The following UGT2A1 variants were observed in gnomAD, a reference collection of about 807,000 sequenced individuals.
The protein encoded by UGT2A1 is UDP-glucuronosyltransferase 2A1.
Under a neutral mutation model 45.4 loss-of-function variants are expected in UGT2A1, and 61 were observed. The ratio of observed to expected loss-of-function variants is 1.34; its 90% CI spans 1.09 to 1.66. UGT2A1 has a LOEUF of 1.66. Ranked by LOEUF, UGT2A1 falls within the 40% of genes most tolerant of loss-of-function variation. UGT2A1 has a pLI of 0.00. For synonymous variants in UGT2A1, 229 were observed against 196.2 expected (o/e 1.17, Z -1.40); for missense variants, 649 against 574.3 (o/e 1.13, Z -1.33).
intron 3 of UGT2A1, among the ~76,000 whole-genome samples, chr4:69,610,176 TA>T (rs1383620878): frequency 6.6e-6 from 1 of 152,098 alleles, no homozygotes; most frequent in Admixed American, 6.6e-5. Context: ...AAAAGATATA[TA>T]AAATATTTTT....
Position 69,647,729 on chromosome 4 carries a change from A to G in UGT2A1, c.-54-31T>C, listed in dbSNP as rs956598063. The G allele has an allele frequency of 7.8e-6, 8 of 1,021,550 alleles. No individual in the cohort carries two copies. The South Asian group carries it at 9.5e-5, about 12-fold the overall frequency. 63.3% of individuals were successfully genotyped at this position (1,021,550 alleles called of 1,614,324 possible). A position where few individuals can be genotyped will look rare whatever the true frequency, so the allele number is the denominator to read the frequency against. On this transcript the variant is annotated intron_variant, in intron 1 of 6. Coordinates refer to ENST00000286604, the MANE Select transcript of UGT2A1 (RefSeq NM_001252275.3). ...AAAGAAAAAAAGGAAAGACAAAATT[A>G]TTTCTCAATTTTGAGGCAAACCATT...
intron 3 of UGT2A1, among the ~76,000 whole-genome samples, chr4:69,633,813 C>A (rs756442885): frequency 3.3e-5 from 5 of 151,910 alleles, no homozygotes; most frequent in Non-Finnish European, 7.4e-5. Context: ...GACTGATAAG[C>A]GGATGAAAGA....
chr4:69,618,771 T>C (rs1032640548), intron 3 of UGT2A1, among the ~76,000 whole-genome samples: 5 of 152,038 alleles, frequency 3.3e-5, no homozygotes, highest in South Asian at 2.1e-4. Flanking sequence ...AATACCTTTA[T>C]TGGTTAAAAA....
At chr4:69,620,950 T>C (rs1720717472) in intron 3 of UGT2A1, among the ~76,000 whole-genome samples, 2 of 152,090 alleles carry the variant, frequency 1.3e-5, no homozygotes, top group African/African-American at 4.8e-5. Context: ...GCTAGCCATA[T>C]ACAGAATACC....
intron 3 of UGT2A1, among the ~76,000 whole-genome samples, chr4:69,608,703 A>C (rs1719836951): frequency 6.6e-6 from 1 of 151,956 alleles, no homozygotes; most frequent in South Asian, 2.1e-4. Context: ...TTTTATTATC[A>C]TTATTTTTAG....
intron 3 of UGT2A1, among the ~76,000 whole-genome samples, chr4:69,630,887 T>C (rs1008188808): frequency 6.6e-5 from 10 of 151,930 alleles, no homozygotes; most frequent in African/African-American, 2.4e-4. Context: ...ATTATATATA[T>C]ACATACATGT....
Position 69,647,508 on chromosome 4 carries a change from T to G in UGT2A1, c.137A>C (p.Lys46Thr). The part of the protein sequence containing the change: ...VKIIIDELIK[K>T]EHNVTVLVAS... ...AACTAGGACAGTCACATTATGCTCC[T>G]TTTTAATGAGCTCATCTATAATTAT... is the stretch of plus-strand genomic sequence containing the variant. Residue 46 changes from lysine to threonine, a missense_variant, in exon 2 of 7, where the codon AAG (lysine) becomes ACG (threonine). Transcript: ENST00000286604. 1 of 1,613,008 alleles carries G rather than the reference T, an allele frequency of 6.2e-7. No homozygotes were observed. The highest frequency in any genetic ancestry group is 8.5e-7 in the Non-Finnish European group (1 of 1,179,318).
chr4:69,629,456 A>G (rs1177339548), intron 3 of UGT2A1, among the ~76,000 whole-genome samples: 1 of 152,084 alleles, frequency 6.6e-6, no homozygotes, highest in East Asian at 1.9e-4. Context: ...GTCTTGGTCC[A>G]CATTAGTTTG....
chr4:69,645,871 A>T (rs1560497117), intron 2 of UGT2A1, among the ~76,000 whole-genome samples: 1 of 151,786 alleles, frequency 6.6e-6, no homozygotes, highest in Non-Finnish European at 1.5e-5. Context: ...ATTATCAGAA[A>T]TATCCATCGC....
At chr4:69,645,626 C>A (rs1722221080) in intron 2 of UGT2A1, among the ~76,000 whole-genome samples, 1 of 151,186 alleles carries the variant, frequency 6.6e-6, no homozygotes, top group South Asian at 2.1e-4. Context: ...TAGTCTCACA[C>A]CTCTCAACTC....
chr4:69,622,164 AT>A (rs1208741429), intron 3 of UGT2A1, among the ~76,000 whole-genome samples: 5 of 151,826 alleles, frequency 3.3e-5, no homozygotes, highest in Non-Finnish European at 7.4e-5. Flanking sequence ...AAAGGTTTTT[AT>A]TTTTTTAAAT....
intron 3 of UGT2A1, among the ~76,000 whole-genome samples, chr4:69,616,028 T>G (rs1344816316): frequency 3.3e-5 from 5 of 152,120 alleles, no homozygotes; most frequent in African/African-American, 1.2e-4. Context: ...AATGGGTGAA[T>G]CAACGGACAA....
chr4:69,594,766 G>T, intron 5 of UGT2A1, 70 bp from the exon 6 acceptor site: 1 of 1,511,936 alleles, frequency 6.6e-7, no homozygotes, highest in Non-Finnish European at 8.9e-7. Flanking sequence ...GAGACAGAAG[G>T]GGTCAAAAAG....
At chr4:69,598,851 C>A (rs1466480618) in intron 4 of UGT2A1, among the ~76,000 whole-genome samples, 1 of 152,070 alleles carries the variant, frequency 6.6e-6, no homozygotes, top group Non-Finnish European at 1.5e-5. Flanking sequence ...AAATGGAATT[C>A]ACCCAACAGT....
chr4:69,589,268 G>A lies in UGT2A1; in HGVS notation c.*104C>T. 1 of 1,358,902 alleles carries A rather than the reference G, an allele frequency of 7.4e-7. No individual in the cohort carries two copies. The highest frequency in any genetic ancestry group is 2.5e-5 in the East Asian group (1 of 39,426). The allele number at this position is 1,358,902 out of a possible 1,614,324, so 84.2% of individuals were successfully genotyped here. On this transcript the variant is annotated 3_prime_UTR_variant, in exon 7 of 7. Transcript: ENST00000286604. ...AAATAGAAAATTTGGAAACAGGATG[G>A]GAGACGTGTTTTTGTTAAACTCCTT...
chr4:69,607,446 G>T (rs1183697852), intron 3 of UGT2A1, among the ~76,000 whole-genome samples: 5 of 151,890 alleles, frequency 3.3e-5, no homozygotes, highest in Non-Finnish European at 7.4e-5. Flanking sequence ...TTACATGTTA[G>T]ACCTAAAACC....
chr4:69,639,522 C>G (rs1721934003), intron 2 of UGT2A1: 1 of 1,613,164 alleles, frequency 6.2e-7, no homozygotes, highest in South Asian at 1.1e-5. Flanking sequence ...TAACCAATGG[C>G]TACCATCTGT....
At chr4:69,598,649 C>T (rs1719073735) in intron 4 of UGT2A1, among the ~76,000 whole-genome samples, 1 of 152,078 alleles carries the variant, frequency 6.6e-6, no homozygotes, top group East Asian at 1.9e-4. Flanking sequence ...TACCAAAACT[C>T]CTTTTTGTTC....
At chr4:69,620,101 C>A (rs1173718567) in intron 3 of UGT2A1, among the ~76,000 whole-genome samples, 1 of 151,980 alleles carries the variant, frequency 6.6e-6, no homozygotes, top group South Asian at 2.1e-4. Context: ...TCTCACTACT[C>A]CTATTCAACA....
Sources: allele counts gnomAD v4.1 joint callset (sites outside exome capture counted in the v4.1 genomes callset), GRCh38; gene constraint gnomAD v4.1.1; transcripts MANE v1.5; gene names NCBI Gene and HGNC (gene_info 2026-07-23, HGNC 2026-07-21).